Variants in TACC3 observed in about 807,000 individuals in gnomAD.
TACC3 encodes the protein transforming acidic coiled-coil-containing protein 3.
A neutral mutation model predicts 86.0 loss-of-function variants in TACC3; 52 were observed. The ratio of observed to expected loss-of-function variants is 0.60; its 90% CI spans 0.48 to 0.76. TACC3 has a LOEUF of 0.76. Ranked by LOEUF, TACC3 falls within the 30% of genes least tolerant of loss-of-function variation. TACC3 has a pLI of 0.00. For missense variants in TACC3, 1,120 were observed against 1,070.4 expected, an observed-to-expected ratio of 1.05 and a Z score of -0.65; for synonymous variants, 512 against 430.0, an observed-to-expected ratio of 1.19 and a Z score of -2.36.
At chr4:1,732,335 C>T (rs111665503) in intron 6 of TACC3, among the ~76,000 whole-genome samples, 4,986 of 119,446 alleles carry the variant, frequency 0.042, 5 homozygotes, top group Non-Finnish European at 0.061. Flanking sequence ...CAGTTGAATA[C>T]GGTTTGTCCG....
At chr4:1,726,459 A>G (rs758820089) in intron 3 of TACC3, among the ~76,000 whole-genome samples, 4 of 152,228 alleles carry the variant, frequency 2.6e-5, no homozygotes, top group Admixed American at 2.6e-4. Flanking sequence ...GCAAGTCCCC[A>G]GGACTGATCT....
At chr4:1,739,308 C>CA (rs33985489) in intron 10 of TACC3, 140 of 162,564 alleles carry the variant, frequency 8.6e-4, no homozygotes, top group South Asian at 2.0e-3. Flanking sequence ...ACTCTTGTCT[C>CA]AAAAAAAAAA....
chr4:1,736,987 T>C (rs1328618611), intron 8 of TACC3, among the ~76,000 whole-genome samples: 3 of 150,844 alleles, frequency 2.0e-5, no homozygotes, highest in African/African-American at 4.9e-5. Context: ...CAGCCTGCAG[T>C]GGGTAATGAA....
At chr4:1,737,198 C>G (rs1294624055) in intron 8 of TACC3, 43 bp from the exon 9 acceptor site, 2 of 1,531,080 alleles carry the variant, frequency 1.3e-6, no homozygotes, top group South Asian at 2.2e-5. Context: ...CTACTCAACA[C>G]TGGGAGGGCC....
At chr4:1,739,083 C>T (rs565727151) in intron 10 of TACC3, among the ~76,000 whole-genome samples, 27 of 152,156 alleles carry the variant, frequency 1.8e-4, no homozygotes, top group Admixed American at 8.5e-4. Flanking sequence ...CCGAGGTGGG[C>T]GGATCACGAG....
chr4:1,735,651 A>T lies in TACC3; in HGVS notation c.1645-80A>T. ...CGGGTGACCGGGGGTGGGAGTGTGC[A>T]GGTGACCTCCCTGGCCCTTAGCCCC... On this transcript the variant is annotated intron_variant, in intron 7 of 15. Transcript: ENST00000313288. The surrounding 1 kb of genome is among the most constrained non-coding windows in gnomAD (Gnocchi z 4.2). 8.8e-7 allele frequency: 1 copy of T among 1,131,696 alleles called. No homozygotes were observed. The highest frequency in any genetic ancestry group is 1.3e-6 in the Non-Finnish European group (1 of 757,164). 70.1% of individuals were successfully genotyped at this position (1,131,696 alleles called of 1,614,324 possible). A position where few individuals can be genotyped will look rare whatever the true frequency, so the allele number is the denominator to read the frequency against.
chr4:1,723,192 C>A (rs769439893), intron 1 of TACC3: 13 of 573,098 alleles, frequency 2.3e-5, no homozygotes, highest in Non-Finnish European at 3.8e-5. Context: ...AGCAGCAGTG[C>A]TGCCCATGGC....
At chr4:1,737,441 G>A in intron 9 of TACC3, 113 bp downstream of exon 9, 6 of 1,175,752 alleles carry the variant, frequency 5.1e-6, no homozygotes, top group Non-Finnish European at 7.4e-6. Context: ...TTTGTTGGGG[G>A]CATGGGGCCG....
intron 4 of TACC3, among the ~76,000 whole-genome samples, chr4:1,729,740 C>T (rs894337043): frequency 2.0e-5 from 3 of 152,184 alleles, no homozygotes; most frequent in Admixed American, 1.3e-4. Context: ...TGGCTGCGGG[C>T]GGGCCTGACT....
chr4:1,720,930 GCCGCCGCCCGGCCGCCCGCGGGGCAC>G (rs1717295442), upstream of TACC3: 2 of 1,164,614 alleles, frequency 1.7e-6, no homozygotes, highest in African/African-American at 3.3e-5. The surrounding 1 kb of genome is among the most constrained non-coding windows in gnomAD (Gnocchi z 4.4). Context: ...GGTTGCGGCG[GCCGCCGCCCGGCCGCCCGCGGGGCAC>G]TCTAGGACAT....
At chr4:1,744,459 G>T in intron 13 of TACC3, 59 bp from the exon 14 acceptor site, 2 of 1,520,598 alleles carry the variant, frequency 1.3e-6, no homozygotes, top group East Asian at 2.3e-5. Context: ...CAGACACCAA[G>T]CCTGGGTGCT....
Position 1,727,712 on chromosome 4 carries a change from C to A in TACC3, c.310C>A (p.Gln104Lys), listed in dbSNP as rs749963741. The A allele has an allele frequency of 6.3e-7, 1 of 1,578,870 alleles. No individual in the cohort carries two copies. Among genetic ancestry groups the A allele is most frequent in the South Asian group, 1.2e-5 (1 of 86,314 alleles). ...HPVWTQKENQ[Q>K]LIKEVDAKTT... ...TGATTAAGTCTCTTTTAAAAGCCAA[C>A]AGCTCATCAAGGAAGTGGATGCCAA... is the stretch of plus-strand genomic sequence containing the variant. The change falls in exon 4 of 16, where the codon CAG (glutamine) becomes AAG (lysine). Residue 104 changes from glutamine (Q) to lysine (K), a missense_variant. Gln to Lys is a moderately conservative substitution (Grantham distance 53). Coordinates refer to ENST00000313288, the MANE Select transcript of TACC3 (RefSeq NM_006342.3).
intron 3 of TACC3, among the ~76,000 whole-genome samples, chr4:1,726,881 C>A (rs1178605620): frequency 6.6e-6 from 1 of 152,134 alleles, no homozygotes; most frequent in Non-Finnish European, 1.5e-5. Context: ...GTAATCCTAG[C>A]ACTGGGAGGC....
chr4:1,733,096 G>A (rs534232554), intron 6 of TACC3, among the ~76,000 whole-genome samples: 1 of 152,142 alleles, frequency 6.6e-6, no homozygotes, highest in Non-Finnish European at 1.5e-5. Flanking sequence ...AGCGCTGCTT[G>A]TCTGTCTTGT....
In TACC3 at chr4:1,728,476, A is replaced by G. The variant is rs774107914; in HGVS notation, c.1074A>G (p.Gly358=). The part of the protein sequence containing the change: ...SKRAPPPRRL[G]ERSGLKPPLR... ...GGGCACCCCCACCAAGGAGACTGGG[A>G]GAGAGGTCCGGCCTCAAGCCTCCCT... Residue 358 remains glycine (G), a synonymous_variant, in exon 4 of 16, where the codon GGA becomes GGG. Transcript: ENST00000313288. 9.3e-6 allele frequency: 15 copies of G among 1,613,800 alleles called. No homozygotes were observed. In the Middle Eastern group the frequency reaches 4.9e-4, roughly 53 times the overall value.
intron 13 of TACC3, among the ~76,000 whole-genome samples, chr4:1,743,124 T>G (rs139681274): frequency 1.3e-5 from 2 of 151,206 alleles, no homozygotes; most frequent in Non-Finnish European, 2.9e-5. Context: ...TAGCTGGGCA[T>G]GGTGGCAGGC....
intron 10 of TACC3, among the ~76,000 whole-genome samples, chr4:1,738,801 A>C (rs1216320441): frequency 1.3e-5 from 2 of 152,156 alleles, no homozygotes; most frequent in African/African-American, 4.8e-5. Context: ...GCAGGGTAAG[A>C]GTCAGAGTGG....
intron 11 of TACC3, 55 bp downstream of exon 11, chr4:1,739,833 TC>T: frequency 6.5e-7 from 1 of 1,533,990 alleles, no homozygotes; most frequent in Non-Finnish European, 8.9e-7. Flanking sequence ...GCCATCCTTG[TC>T]CCCATCCCCC....
intron 3 of TACC3, 105 bp downstream of exon 3, chr4:1,723,975 GT>G (rs1454586599): frequency 5.1e-5 from 67 of 1,312,290 alleles, no homozygotes; most frequent in Admixed American, 8.4e-5. Flanking sequence ...TGGATTTTTT[GT>G]TTGTTTGTTT....
Sources: gnomAD v4.1 joint callset for allele counts (sites outside exome capture counted in the v4.1 genomes callset) on GRCh38, gnomAD v4.1.1 for gene constraint, Gnocchi (gnomAD v3.1) non-coding constraint, MANE v1.5 for transcripts, NCBI Gene and HGNC (gene_info 2026-07-23, HGNC 2026-07-21) for gene names.